Variants in ADHFE1 observed in about 807,000 individuals in gnomAD.
ADHFE1 encodes the protein alcohol dehydrogenase iron containing 1.
ADHFE1 carries 37 observed loss-of-function variants against 54.8 expected under a neutral mutation model. The observed-to-expected ratio is 0.68, with a 90% CI of 0.52 to 0.89. The LOEUF is 0.89. ADHFE1 is among the 40% of genes least tolerant of loss of function. The pLI is 0.00. For missense variants in ADHFE1, 601 were observed against 591.2 expected (o/e 1.02, Z -0.17); for synonymous variants, 203 against 229.3 (o/e 0.89, Z 1.04).
At chr8:66,448,444 A>G (rs1806141509) in intron 7 of ADHFE1, among the ~76,000 whole-genome samples, 1 of 152,218 alleles carries the variant, frequency 6.6e-6, no homozygotes, top group Non-Finnish European at 1.5e-5. Flanking sequence ...CAGAGAACTC[A>G]GAGAGGCTAA....
Position 66,442,806 on chromosome 8 carries a change from C to T in ADHFE1, c.106C>T (p.Leu36Phe). Residue 36 changes from leucine (L) to phenylalanine (F), a missense_variant, in exon 3 of 14, where the codon CTT becomes TTT. Physicochemically the swap from Leu to Phe is conservative, Grantham distance 22 (BLOSUM62 0). Transcript: ENST00000396623. Reference sequence around the variant, plus strand: ...AACTTTTACATTTCTAGCCCCTGGACTTTCACCTTCTGGGAAAACAACAGA... The same window carrying T: ...AACTTTTACATTTCTAGCCCCTGGATTTTCACCTTCTGGGAAAACAACAGA... ...HSHTYSQAPG[L>F]SPSGKTTDYA... 6.3e-7 allele frequency: 1 copy of T among 1,596,998 alleles called. No homozygotes were observed. The highest frequency in any genetic ancestry group is 8.5e-7 in the Non-Finnish European group (1 of 1,175,694).
At chr8:66,441,476 G>A (rs934228763) in intron 2 of ADHFE1, among the ~76,000 whole-genome samples, 10 of 152,124 alleles carry the variant, frequency 6.6e-5, no homozygotes, top group African/African-American at 2.4e-4. Context: ...GGAGCTGAAG[G>A]TAGATTGTTG....
intron 7 of ADHFE1, among the ~76,000 whole-genome samples, chr8:66,448,011 A>G (rs1806118484): frequency 6.6e-6 from 1 of 152,210 alleles, no homozygotes; most frequent in Non-Finnish European, 1.5e-5. Context: ...ATCAAGATAC[A>G]AAACATTCCC....
chr8:66,460,570 C>T (rs1806843873), intron 13 of ADHFE1, 105 bp downstream of exon 13: 17 of 1,375,810 alleles, frequency 1.2e-5, no homozygotes, highest in African/African-American at 4.4e-5. Flanking sequence ...CAGGGCTCCC[C>T]GGTGGTTCTC....
chr8:66,454,256 A>G (rs1042136080), intron 10 of ADHFE1, 99 bp downstream of exon 10: 6 of 1,181,722 alleles, frequency 5.1e-6, no homozygotes, highest in East Asian at 4.9e-5. Flanking sequence ...TAAATATGCT[A>G]TAGAAGGAAG....
intron 7 of ADHFE1, among the ~76,000 whole-genome samples, 195 bp from the exon 8 acceptor site, chr8:66,448,670 C>T (rs1276694525): frequency 6.6e-6 from 1 of 152,226 alleles, no homozygotes; most frequent in Non-Finnish European, 1.5e-5. Flanking sequence ...CAGTAGGAGC[C>T]AGCTCCAACA....
Position 66,452,116 on chromosome 8 carries a change from C to G in ADHFE1, c.887+11C>G. Reference sequence around the variant, plus strand: ...TAAGTATCTGAAGAGGTATGTCACCCCGAAGGGGATAGAAATAGAACAGGA... The same window carrying G: ...TAAGTATCTGAAGAGGTATGTCACCGCGAAGGGGATAGAAATAGAACAGGA... On this transcript the variant is annotated intron_variant, in intron 9 of 13. Coordinates refer to ENST00000396623, the MANE Select transcript of ADHFE1 (RefSeq NM_144650.3). 1.2e-6 allele frequency: 2 copies of G among 1,613,392 alleles called. No homozygotes were observed. Among genetic ancestry groups the G allele is most frequent in the African/African-American group, 1.3e-5 (1 of 75,028 alleles).
At chr8:66,449,345 C>T (rs1449950791) in intron 8 of ADHFE1, among the ~76,000 whole-genome samples, 5 of 152,080 alleles carry the variant, frequency 3.3e-5, no homozygotes, top group South Asian at 4.1e-4. Flanking sequence ...ATCTCAGGGA[C>T]ACACCAGCTA....
rs566678279 is a variant in ADHFE1, at chr8:66,444,430, C to T, written c.198+10C>T. The T allele has an allele frequency of 1.9e-5, 30 of 1,613,722 alleles. No homozygotes were observed. The highest frequency in any genetic ancestry group is 4.4e-5 in the South Asian group (4 of 91,048). ...AAAGGAAGTAGGAATGGCAAGTATT[C>T]GAGATGTCTACGGTCTCCTACTGTA... On this transcript the variant is annotated intron_variant, in intron 4 of 13. Coordinates refer to ENST00000396623, the MANE Select transcript of ADHFE1 (RefSeq NM_144650.3).
chr8:66,467,434 A>G (rs571846693), intron 13 of ADHFE1, among the ~76,000 whole-genome samples: 2 of 152,248 alleles, frequency 1.3e-5, no homozygotes, highest in African/African-American at 4.8e-5. Context: ...ATAACTGTTG[A>G]GCATCTACTT....
chr8:66,461,928 C>T (rs905737624), intron 13 of ADHFE1, among the ~76,000 whole-genome samples: 4 of 152,146 alleles, frequency 2.6e-5, no homozygotes, highest in African/African-American at 9.7e-5. Flanking sequence ...CCCACAAACC[C>T]TTAATTCTAA....
At chr8:66,461,436 G>C (rs939342288) in intron 13 of ADHFE1, among the ~76,000 whole-genome samples, 6 of 152,038 alleles carry the variant, frequency 3.9e-5, no homozygotes, top group Admixed American at 2.6e-4. Flanking sequence ...CCCACTCCAA[G>C]TAGGCAAGGG....
At chr8:66,442,768 C>G (rs528100062) in intron 2 of ADHFE1, 30 bp from the exon 3 acceptor site, 1 of 1,580,332 alleles carries the variant, frequency 6.3e-7, no homozygotes, top group African/African-American at 1.4e-5. Context: ...TTTTAAAGAC[C>G]CACTTTGATG....
At chr8:66,436,842 C>T (rs2130339694) in intron 1 of ADHFE1, among the ~76,000 whole-genome samples, 1 of 152,278 alleles carries the variant, frequency 6.6e-6, no homozygotes, top group Middle Eastern at 3.4e-3. Context: ...GAAATGAAGC[C>T]AAGAGCAGCC....
chr8:66,444,430 C>A lies in ADHFE1; in HGVS notation c.198+10C>A. 1 of 1,613,720 alleles carries A rather than the reference C, an allele frequency of 6.2e-7. No homozygotes were observed. The highest frequency in any genetic ancestry group is 8.5e-7 in the Non-Finnish European group (1 of 1,179,676). ...AAAGGAAGTAGGAATGGCAAGTATT[C>A]GAGATGTCTACGGTCTCCTACTGTA... On this transcript the variant is annotated intron_variant, in intron 4 of 13. Coordinates refer to ENST00000396623, the MANE Select transcript of ADHFE1 (RefSeq NM_144650.3).
rs1805690394 is a variant in ADHFE1 at position 66,440,430 on chromosome 8, C to CTTGCCAAGTCTAAA, written c.97+231_97+232insTTGCCAAGTCTAAA. Among the ~76,000 whole-genome samples, 5 of 152,160 alleles carry CTTGCCAAGTCTAAA rather than the reference C, an allele frequency of 3.3e-5. No individual in the cohort carries two copies. In the South Asian group the frequency reaches 1.0e-3, roughly 32 times the overall value. On this transcript the variant is annotated intron_variant, in intron 2 of 13. Transcript: ENST00000396623. ...TCAAATATCTATTTAATGCTACTTA[C>CTTGCCAAGTCTAAA]AACGCTTTTCTCTTTTAATTACTTG...
In ADHFE1 at chr8:66,460,339, TGCAGGGCTGGTGTTGGCAGACAC is replaced by T; in HGVS notation, c.1197_1219del (p.Gly400ProfsTer10). On this transcript the variant is annotated frameshift_variant, in exon 13 of 14. Coordinates refer to ENST00000396623, the MANE Select transcript of ADHFE1 (RefSeq NM_144650.3). LOFTEE classifies it high-confidence loss of function. ...ACACCCGCACTGCCAGGATCCAAGA[TGCAGGGCTGGTGTTGGCAGACAC>T]GCTCCGGAAATTCTTATTCGATCTG... The T allele has an allele frequency of 6.2e-7, 1 of 1,614,208 alleles. No homozygotes were observed. The highest frequency in any genetic ancestry group is 1.1e-5 in the South Asian group (1 of 91,082).
At chr8:66,433,725 A>C (rs1030942964) in intron 1 of ADHFE1, among the ~76,000 whole-genome samples, 1 of 152,230 alleles carries the variant, frequency 6.6e-6, no homozygotes, top group African/African-American at 2.4e-5. Flanking sequence ...TGATACCTTA[A>C]AATGTCCCAT....
In ADHFE1 at chr8:66,439,291, C is replaced by G. The variant is rs1263349080; in HGVS notation, c.60-871C>G. 1 of 985,434 alleles carries G rather than the reference C, an allele frequency of 1.0e-6. No individual in the cohort carries two copies. Among genetic ancestry groups the G allele is most frequent in the Non-Finnish European group, 1.2e-6 (1 of 829,980 alleles). The allele number at this position is 985,434 out of a possible 1,614,324, so 61.0% of individuals were successfully genotyped here. On this transcript the variant is annotated intron_variant, in intron 1 of 13. Coordinates refer to ENST00000396623, the MANE Select transcript of ADHFE1 (RefSeq NM_144650.3). The surrounding 1 kb of genome is among the most constrained non-coding windows in gnomAD (Gnocchi z 4.4). Reference sequence around the variant, plus strand: ...ATGCACTCAAGTATCTACCGAGACCCAACCACTGGACAAGGTCTTCTGGGC... The same window carrying G: ...ATGCACTCAAGTATCTACCGAGACCGAACCACTGGACAAGGTCTTCTGGGC...
Sources: gnomAD v4.1 joint callset for allele counts (sites outside exome capture counted in the v4.1 genomes callset) on GRCh38, gnomAD v4.1.1 for gene constraint, Gnocchi (gnomAD v3.1) non-coding constraint, MANE v1.5 for transcripts, NCBI Gene and HGNC (gene_info 2026-07-23, HGNC 2026-07-21) for gene names.